SGSM3: variants seen among roughly 807,000 people sequenced by gnomAD.
SGSM3 encodes the protein RUN and SH3 containing 3.
In SGSM3, 96 loss-of-function variants were observed where a neutral mutation model predicts 100.5. The observed-to-expected ratio is 0.96, with a 90% confidence interval of 0.81 to 1.13. SGSM3 has a LOEUF of 1.13. Ranked by LOEUF, SGSM3 falls within the 50% of genes most tolerant of loss-of-function variation. SGSM3 has a pLI of 0.00. For synonymous variants in SGSM3, 483 were observed against 422.8 expected (o/e 1.14, Z -1.75); for missense variants, 1,001 against 1,015.8 (o/e 0.99, Z 0.20).
Position 40,409,743 on chromosome 22 carries a change from G to A in SGSM3, c.2234G>A (p.Trp745Ter). 1.2e-6 allele frequency: 2 copies of A among 1,609,976 alleles called. No individual in the cohort carries two copies. The highest frequency in any genetic ancestry group is 2.2e-5 in the East Asian group (1 of 44,864). Residue 745 changes from tryptophan (W) to a stop codon, truncating the protein, a stop_gained, in exon 22 of 22, where the codon TGG becomes TAG. Coordinates refer to ENST00000248929, the MANE Select transcript of SGSM3 (RefSeq NM_015705.6). LOFTEE classifies it high-confidence loss of function. ...DMLVKHHLFS[W>*]DVDG Reference sequence around the variant, plus strand: ...CTGGTGAAGCACCACCTCTTCAGCTGGGATGTGGACGGGTGACCCCCTCCT... The same window carrying A: ...CTGGTGAAGCACCACCTCTTCAGCTAGGATGTGGACGGGTGACCCCCTCCT...
chr22:40,407,526 C>G lies in SGSM3; in HGVS notation c.1482C>G (p.His494Gln), dbSNP rs375483681. Residue 494 changes from histidine (H) to glutamine (Q), a missense_variant, in exon 13 of 22, where the codon CAC becomes CAG. Physicochemically the swap from His to Gln is conservative, Grantham distance 24. Coordinates refer to ENST00000248929, the MANE Select transcript of SGSM3 (RefSeq NM_015705.6). The surrounding 1 kb of genome is among the most constrained non-coding windows in gnomAD (Gnocchi z 4.7). Reference sequence around the variant, plus strand: ...AGGCCCTGCTGGACTTTGAGCGGCACGACGACGACGAGCTGGGCTTCCGCA... The same window carrying G: ...AGGCCCTGCTGGACTTTGAGCGGCAGGACGACGACGAGCTGGGCTTCCGCA... ...RAKALLDFER[H>Q]DDDELGFRKN... is the part of the protein sequence containing the mutation. 2.5e-6 allele frequency: 4 copies of G among 1,606,464 alleles called. No individual in the cohort carries two copies. In the East Asian group the frequency reaches 8.9e-5, roughly 36 times the overall value.
intron 1 of SGSM3, among the ~76,000 whole-genome samples, chr22:40,378,724 C>CA (rs541209359): frequency 1.1e-3 from 158 of 147,748 alleles, no homozygotes; most frequent in South Asian, 5.6e-3. Flanking sequence ...GACTCTGTCT[C>CA]AAAAAAAAAC....
chr22:40,408,031 C>T (rs2051883397), intron 14 of SGSM3, 40 bp from the exon 15 acceptor site: 1 of 1,604,132 alleles, frequency 6.2e-7, no homozygotes, highest in African/African-American at 1.3e-5. Context: ...CTGTCCTCGG[C>T]CCTCGTGGTT....
intron 1 of SGSM3, among the ~76,000 whole-genome samples, chr22:40,396,614 A>AAAG (rs1407369180): frequency 2.0e-5 from 3 of 151,448 alleles, no homozygotes; most frequent in Non-Finnish European, 4.4e-5. Context: ...AAAAAAAAAA[A>AAAG]AAGAAGTATT....
chr22:40,381,372 C>G (rs2047553579), intron 1 of SGSM3, among the ~76,000 whole-genome samples: 1 of 152,254 alleles, frequency 6.6e-6, no homozygotes, highest in Non-Finnish European at 1.5e-5. Context: ...TGGTCTCAAA[C>G]TCTTGGGCTC....
In SGSM3 at chr22:40,408,310, G is replaced by T; in HGVS notation, c.1663G>T (p.Gly555Trp). 5 of 1,613,544 alleles carry T rather than the reference G, an allele frequency of 3.1e-6. No homozygotes were observed. The East Asian group carries it at 8.9e-5, about 29-fold the overall frequency. Residue 555 changes from glycine to tryptophan, a missense_variant, in exon 16 of 22, where the codon GGG (glycine) becomes TGG (tryptophan). Coordinates refer to ENST00000248929, the MANE Select transcript of SGSM3 (RefSeq NM_015705.6). The stretch of plus-strand genomic sequence containing the variant: ...CGCGGGGGATGACTCGGTGACGGAG[G>T]GGGTCACAGACCTCGTGCGAGGGAC... ...SIAGDDSVTEGVTDLVRGTLC... is the reference protein window; with the variant it reads ...SIAGDDSVTEWVTDLVRGTLC...
chr22:40,404,977 C>G (rs2051262141), intron 6 of SGSM3, 164 bp from the exon 7 acceptor site: 1 of 494,942 alleles, frequency 2.0e-6, no homozygotes, highest in Non-Finnish European at 2.6e-6. Flanking sequence ...GATTTGATGT[C>G]CCGGCTCCAC....
At chr22:40,402,291 A>G in intron 4 of SGSM3, 86 bp downstream of exon 4, 1 of 1,016,032 alleles carries the variant, frequency 9.8e-7, no homozygotes, top group African/African-American at 1.6e-5. Context: ...TCGGCCTGTG[A>G]TGGCTGAGCT....
In SGSM3 at chr22:40,405,061, G is replaced by C. The variant is rs572561055; in HGVS notation, c.475-80G>C. 2.8e-6 allele frequency: 4 copies of C among 1,440,750 alleles called. No individual in the cohort carries two copies. The South Asian group carries it at 6.5e-5, about 23-fold the overall frequency. The allele number at this position is 1,440,750 out of a possible 1,614,324, so 89.2% of individuals were successfully genotyped here. The stretch of plus-strand genomic sequence containing the variant: ...ACACAAGGAATCCCCATTTCTGGGG[G>C]AGAAGCCCGCCTGGGGTCTGCCTCC... On this transcript the variant is annotated intron_variant, in intron 6 of 21. Transcript: ENST00000248929.
chr22:40,374,501 G>T (rs2046209671), intron 1 of SGSM3, among the ~76,000 whole-genome samples: 1 of 152,228 alleles, frequency 6.6e-6, no homozygotes, highest in African/African-American at 2.4e-5. Flanking sequence ...ATACTTGCCT[G>T]CAATGTAAGC....
Position 40,391,973 on chromosome 22 carries a change from G to C in SGSM3, c.-111-8723G>C, listed in dbSNP as rs906404128. ...ATCTGTAAAAGCAGATTCGTAAATA[G>C]CTTTTTTCCCCCTTAGAGCCTGTTT... On this transcript the variant is annotated intron_variant, in intron 1 of 21. Coordinates refer to ENST00000248929, the MANE Select transcript of SGSM3 (RefSeq NM_015705.6). 4.6e-5 allele frequency among the ~76,000 whole-genome samples: 7 copies of C among 152,264 alleles called. 1 individual carries two copies. The South Asian group carries it at 1.2e-3, about 27-fold the overall frequency.
At chr22:40,402,929 C>T (rs552141400) in intron 4 of SGSM3, among the ~76,000 whole-genome samples, 2 of 152,304 alleles carry the variant, frequency 1.3e-5, no homozygotes, top group African/African-American at 4.8e-5. Context: ...GTGGCTAGGA[C>T]ATTTTAATTG....
In SGSM3 at chr22:40,405,721, C is replaced by T. The variant is rs1214418964; in HGVS notation, c.691C>T (p.Leu231=). 2 of 1,613,868 alleles carry T rather than the reference C, an allele frequency of 1.2e-6. No individual in the cohort carries two copies. The highest frequency in any genetic ancestry group is 8.5e-7 in the Non-Finnish European group (1 of 1,179,996). The part of the protein sequence containing the change: ...FWMMSAIIED[L]LPASYFSTTL... ...GATGATGTCTGCCATCATCGAGGACCTGCTCCCCGCCTCCTACTTCAGCAC... is the reference window on the plus strand; with the variant it reads ...GATGATGTCTGCCATCATCGAGGACTTGCTCCCCGCCTCCTACTTCAGCAC... The change falls in exon 8 of 22, where the codon CTG becomes TTG. Residue 231 remains leucine, a synonymous_variant. Coordinates refer to ENST00000248929, the MANE Select transcript of SGSM3 (RefSeq NM_015705.6).
At chr22:40,371,884 A>G (rs2045571480) in intron 1 of SGSM3, among the ~76,000 whole-genome samples, 1 of 150,980 alleles carries the variant, frequency 6.6e-6, no homozygotes, top group Non-Finnish European at 1.5e-5. Context: ...TTTAATAGAG[A>G]CGGGGTTTTT....
At chr22:40,404,798 C>T in intron 6 of SGSM3, 134 bp downstream of exon 6, 1 of 688,176 alleles carries the variant, frequency 1.5e-6, no homozygotes, top group East Asian at 2.7e-5. Context: ...CCTTGGTCCT[C>T]TGCAGGCCAA....
intron 6 of SGSM3, 63 bp downstream of exon 6, chr22:40,404,727 G>A (rs1382023245): frequency 8.3e-7 from 1 of 1,200,556 alleles, no homozygotes; most frequent in East Asian, 2.5e-5. Flanking sequence ...GAGAGAGGGA[G>A]CCTGCCTGGG....
rs2052414008 is a variant in SGSM3 at position 40,410,118 on chromosome 22, T to TGTC, written c.*360_*362dup. On this transcript the variant is annotated 3_prime_UTR_variant, in exon 22 of 22. Coordinates refer to ENST00000248929, the MANE Select transcript of SGSM3 (RefSeq NM_015705.6). ...GTCTGTCTTTGAGAAAGCACCTACCTGTCTTCTGTGCAGCTAGGGCTGCAG... is the reference window on the plus strand; with the variant it reads ...GTCTGTCTTTGAGAAAGCACCTACCTGTCGTCTTCTGTGCAGCTAGGGCTGCAG... 2 of 1,150,624 alleles carry TGTC rather than the reference T, an allele frequency of 1.7e-6. No homozygotes were observed. The highest frequency in any genetic ancestry group is 2.1e-6 in the Non-Finnish European group (2 of 934,948). 71.3% of individuals were successfully genotyped at this position (1,150,624 alleles called of 1,614,324 possible).
intron 16 of SGSM3, 78 bp from the exon 17 acceptor site, chr22:40,408,549 C>T: frequency 6.3e-7 from 1 of 1,589,152 alleles, no homozygotes; most frequent in Non-Finnish European, 8.6e-7. Flanking sequence ...AGCGTGGTGA[C>T]AGGTGCCCAG....
intron 1 of SGSM3, among the ~76,000 whole-genome samples, chr22:40,391,690 C>T (rs1771929589): frequency 6.6e-6 from 1 of 152,132 alleles, no homozygotes. Context: ...CCATGATTAG[C>T]CTATTGACTA....
Sources: allele counts gnomAD v4.1 joint callset (sites outside exome capture counted in the v4.1 genomes callset), GRCh38; gene constraint gnomAD v4.1.1; non-coding constraint Gnocchi (gnomAD v3.1); transcripts MANE v1.5; gene names NCBI Gene and HGNC (gene_info 2026-07-23, HGNC 2026-07-21).